Variants in MAML2 observed in about 807,000 individuals in gnomAD.
MAML2 encodes mastermind like transcriptional coactivator 2.
A neutral mutation model predicts 96.1 loss-of-function variants in MAML2; 22 were observed. The ratio of observed to expected loss-of-function variants is 0.23; its 90% CI spans 0.16 to 0.33. MAML2 has a LOEUF of 0.33. Ranked by LOEUF, MAML2 falls within the 10% of genes least tolerant of loss-of-function variation. MAML2 has a pLI of 1.00. For missense variants in MAML2, 1,367 were observed against 1,392.4 expected (o/e 0.98, Z 0.29); for synonymous variants, 561 against 521.3 (o/e 1.08, Z -1.04).
chr11:96,080,129 C>T lies in MAML2; in HGVS notation c.2139+11763G>A, dbSNP rs552017073. 2.0e-5 allele frequency among the ~76,000 whole-genome samples: 3 copies of T among 152,274 alleles called. No individual in the cohort carries two copies. The East Asian group carries it at 5.8e-4, about 29-fold the overall frequency. On this transcript the variant is annotated intron_variant, in intron 2 of 4. Coordinates refer to ENST00000524717, the MANE Select transcript of MAML2 (RefSeq NM_032427.4). ...TTTATCCCTTCATAAATTCTGAAAA[C>T]ACTTATCTAAATTTTTTATCTGACT... is the stretch of plus-strand genomic sequence containing the variant.
intron 2 of MAML2, among the ~76,000 whole-genome samples, chr11:96,003,044 A>T (rs1312117623): frequency 2.0e-5 from 3 of 147,480 alleles, no homozygotes; most frequent in Non-Finnish European, 4.5e-5. Flanking sequence ...GAGGAGGATG[A>T]TGGGGATGAT....
intron 1 of MAML2, among the ~76,000 whole-genome samples, chr11:96,232,963 A>T (rs973629652): frequency 3.9e-5 from 6 of 152,258 alleles, no homozygotes; most frequent in Non-Finnish European, 8.8e-5. Flanking sequence ...TGTGAGCATG[A>T]GTAAAACAAA....
At chr11:96,299,060 A>AATATATATATATATATAT (rs1555037073) in intron 1 of MAML2, among the ~76,000 whole-genome samples, 771 of 56,114 alleles carry the variant, frequency 0.014, 18 homozygotes, top group Middle Eastern at 0.033. Flanking sequence ...AAAAAAAAAA[A>AATATATATATATATATAT]ATATATATAT....
intron 1 of MAML2, among the ~76,000 whole-genome samples, chr11:96,205,269 T>C (rs1442020760): frequency 1.3e-5 from 2 of 152,216 alleles, no homozygotes; most frequent in African/African-American, 4.8e-5. Context: ...TACCAATATA[T>C]TCATTTACTC....
At chr11:96,284,040 C>T (rs1863106918) in intron 1 of MAML2, among the ~76,000 whole-genome samples, 2 of 152,162 alleles carry the variant, frequency 1.3e-5, no homozygotes, top group South Asian at 4.1e-4. Context: ...TTTCAGTTCT[C>T]ATCCTCTTAC....
chr11:96,224,500 A>G (rs497776), intron 1 of MAML2, among the ~76,000 whole-genome samples: 143,407 of 152,294 alleles, frequency 0.94, 67,733 homozygotes, highest in African/African-American at 0.98. Context: ...CCAAGGCCCA[A>G]TTCAAGTTCT....
Position 96,223,726 on chromosome 11 carries a change from C to T in MAML2, c.513+117657G>A, listed in dbSNP as rs564177603. On this transcript the variant is annotated intron_variant, in intron 1 of 4. Coordinates refer to ENST00000524717, the MANE Select transcript of MAML2 (RefSeq NM_032427.4). ...TTCGGATCCTCTCTCCGCTCCCACC[C>T]GCCATACCCAGGTAGTTTCCTCTTT... Among the ~76,000 whole-genome samples, 8 of 152,188 alleles carry T rather than the reference C, an allele frequency of 5.3e-5. No homozygotes were observed. In the East Asian group the frequency reaches 1.3e-3, roughly 26 times the overall value.
At chr11:96,124,536 G>T (rs1490496822) in intron 1 of MAML2, among the ~76,000 whole-genome samples, 1 of 152,158 alleles carries the variant, frequency 6.6e-6, no homozygotes, top group African/African-American at 2.4e-5. Context: ...ACCTAACAAA[G>T]ATGATTGAGT....
intron 2 of MAML2, among the ~76,000 whole-genome samples, chr11:96,082,605 G>A (rs986838960): frequency 2.0e-5 from 3 of 152,168 alleles, no homozygotes; most frequent in African/African-American, 7.2e-5. Flanking sequence ...ATTGTATCTG[G>A]GGTAAAGCTG....
At chr11:96,175,964 A>G (rs192712972) in intron 1 of MAML2, among the ~76,000 whole-genome samples, 1 of 152,362 alleles carries the variant, frequency 6.6e-6, no homozygotes, top group African/African-American at 2.4e-5. Flanking sequence ...TCTAATTCAC[A>G]TAACACATTG....
intron 2 of MAML2, among the ~76,000 whole-genome samples, chr11:96,027,981 C>T (rs1858551428): frequency 6.6e-6 from 1 of 152,166 alleles, no homozygotes; most frequent in South Asian, 2.1e-4. Flanking sequence ...ATCTGCCTGC[C>T]TTGGCCTCCC....
chr11:96,247,759 C>T (rs1862530201), intron 1 of MAML2, among the ~76,000 whole-genome samples: 1 of 152,168 alleles, frequency 6.6e-6, no homozygotes, highest in Admixed American at 6.6e-5. Context: ...ACCTTTTCCT[C>T]TCTCTTCTAA....
At chr11:96,278,991 G>A (rs1863026769) in intron 1 of MAML2, among the ~76,000 whole-genome samples, 1 of 152,160 alleles carries the variant, frequency 6.6e-6, no homozygotes, top group African/African-American at 2.4e-5. Context: ...TATTTAAGAT[G>A]CAAACAATGT....
intron 1 of MAML2, among the ~76,000 whole-genome samples, chr11:96,220,758 A>G (rs894066492): frequency 6.6e-6 from 1 of 152,228 alleles, no homozygotes; most frequent in Non-Finnish European, 1.5e-5. Flanking sequence ...TTAAAAAAAT[A>G]CAAGTTTCAA....
Position 96,099,610 on chromosome 11 carries a change from T to C in MAML2, c.514-6093A>G, listed in dbSNP as rs116128968. On this transcript the variant is annotated intron_variant, in intron 1 of 4. Coordinates refer to ENST00000524717, the MANE Select transcript of MAML2 (RefSeq NM_032427.4). Reference sequence around the variant, plus strand: ...GCTGGGCATATTCTAGGTGTTTTAATAATTATTCGTTGACCTCAGTGCCTG... The same window carrying C: ...GCTGGGCATATTCTAGGTGTTTTAACAATTATTCGTTGACCTCAGTGCCTG... Among the ~76,000 whole-genome samples the C allele has an allele frequency of 7.8e-3, 1,184 of 152,276 alleles. 25 individuals are homozygous for C. The highest frequency in any genetic ancestry group is 0.027 in the African/African-American group (1,123 of 41,512).
intron 1 of MAML2, among the ~76,000 whole-genome samples, chr11:96,290,435 T>C (rs867372991): frequency 2.6e-5 from 4 of 152,332 alleles, no homozygotes; most frequent in Admixed American, 1.3e-4. Flanking sequence ...TTCTATGTGA[T>C]TGAGAATTAG....
At chr11:96,199,710 G>T (rs1456764791) in intron 1 of MAML2, among the ~76,000 whole-genome samples, 1 of 152,078 alleles carries the variant, frequency 6.6e-6, no homozygotes, top group Non-Finnish European at 1.5e-5. Context: ...AATAAATACC[G>T]TGATGTACGC....
intron 1 of MAML2, among the ~76,000 whole-genome samples, chr11:96,287,888 A>T (rs2135990031): frequency 6.6e-6 from 1 of 152,354 alleles, no homozygotes; most frequent in Non-Finnish European, 1.5e-5. Context: ...CATAGTTCAT[A>T]AAAGGAAGGG....
chr11:96,075,812 T>C (rs575722008), intron 2 of MAML2, among the ~76,000 whole-genome samples: 1 of 152,310 alleles, frequency 6.6e-6, no homozygotes, highest in Non-Finnish European at 1.5e-5. Flanking sequence ...GCTGGTATCA[T>C]ACTGTTTAAT....
Sources: gnomAD v4.1 joint callset for allele counts (sites outside exome capture counted in the v4.1 genomes callset) on GRCh38, gnomAD v4.1.1 for gene constraint, MANE v1.5 for transcripts, NCBI Gene and HGNC (gene_info 2026-07-23, HGNC 2026-07-21) for gene names.